KIAA1671: variants seen among roughly 807,000 people sequenced by gnomAD.
The protein encoded by KIAA1671 is uncharacterized protein KIAA1671.
KIAA1671 carries 52 observed loss-of-function variants against 131.2 expected under a neutral mutation model. That is an observed-to-expected ratio of 0.40 (90% confidence interval 0.32 to 0.50). The LOEUF (loss-of-function observed/expected upper bound fraction) is 0.50. Among genes scored for constraint, KIAA1671 ranks in the 20% least tolerant of loss-of-function variants. The probability of loss-of-function intolerance (pLI) is 0.73; values close to 1 mark genes in which losing one functional copy is unlikely to be tolerated. For synonymous variants in KIAA1671, 1,003 were observed against 961.6 expected, an observed-to-expected ratio of 1.04 and a Z score of -0.80; for missense variants, 2,360 against 2,364.2, an observed-to-expected ratio of 1.00 and a Z score of 0.04.
At chr22:25,087,856 TAGCAGCCAGAGCCCCC>T (rs1463355274) in intron 6 of KIAA1671, among the ~76,000 whole-genome samples, 1 of 152,100 alleles carries the variant, frequency 6.6e-6, no homozygotes, top group African/African-American at 2.4e-5. Flanking sequence ...CTGTGAGCCA[TAGCAGCCAGAGCCCCC>T]AGCACCTGGG....
intron 1 of KIAA1671, among the ~76,000 whole-genome samples, chr22:24,960,654 CTTTTTTTTTTTTT>C (rs34901740): frequency 8.4e-5 from 6 of 71,540 alleles, no homozygotes; most frequent in African/African-American, 3.3e-4. Context: ...TTTTCAGGTT[CTTTTTTTTTTTTT>C]TTTTTTTTTG....
chr22:25,122,479 A>G (rs1469278110), intron 6 of KIAA1671, among the ~76,000 whole-genome samples: 2 of 152,194 alleles, frequency 1.3e-5, no homozygotes, highest in African/African-American at 4.8e-5. Flanking sequence ...AAATGTGACT[A>G]CAAAACTGCC....
chr22:25,133,558 T>A (rs1439018039), intron 6 of KIAA1671, among the ~76,000 whole-genome samples: 1 of 152,180 alleles, frequency 6.6e-6, no homozygotes, highest in Non-Finnish European at 1.5e-5. Flanking sequence ...TTTTGTTTGT[T>A]TTTAGAGACA....
intron 6 of KIAA1671, among the ~76,000 whole-genome samples, chr22:25,068,681 C>T (rs1305631711): frequency 6.6e-6 from 1 of 152,200 alleles, no homozygotes; most frequent in Admixed American, 6.5e-5. Context: ...CATGATCTGC[C>T]CACCTTGGCC....
intron 11 of KIAA1671, among the ~76,000 whole-genome samples, chr22:25,187,588 C>G (rs1319439554): frequency 6.6e-6 from 1 of 152,096 alleles, no homozygotes; most frequent in Non-Finnish European, 1.5e-5. Context: ...ATGATTATAG[C>G]CTCGACCTCC....
At chr22:25,065,635 A>T (rs969674314) in intron 6 of KIAA1671, among the ~76,000 whole-genome samples, 11 of 150,938 alleles carry the variant, frequency 7.3e-5, no homozygotes, top group African/African-American at 2.4e-4. Context: ...AAGAATTATT[A>T]TTATTATTAT....
chr22:25,174,612 CTT>C, intron 8 of KIAA1671, 123 bp downstream of exon 8: 1 of 1,128,368 alleles, frequency 8.9e-7, no homozygotes, highest in Non-Finnish European at 1.2e-6. Flanking sequence ...AGGGCACTGT[CTT>C]TGAAATGGGA....
intron 6 of KIAA1671, among the ~76,000 whole-genome samples, chr22:25,101,931 T>A (rs1298682060): frequency 6.6e-6 from 1 of 152,030 alleles, no homozygotes; most frequent in South Asian, 2.1e-4. Flanking sequence ...ATAGGCAGAG[T>A]GGGACCCCAG....
chr22:25,127,415 A>AC (rs1302561784), intron 6 of KIAA1671, among the ~76,000 whole-genome samples: 1 of 151,876 alleles, frequency 6.6e-6, no homozygotes, highest in Non-Finnish European at 1.5e-5. Flanking sequence ...CTCCAGAGTG[A>AC]CCCCCAGCCT....
At chr22:25,066,075 C>T (rs1045183173) in intron 6 of KIAA1671, among the ~76,000 whole-genome samples, 1 of 152,134 alleles carries the variant, frequency 6.6e-6, no homozygotes, top group African/African-American at 2.4e-5. Flanking sequence ...TAGGTTTTCT[C>T]ATGTGGAAAT....
intron 4 of KIAA1671, among the ~76,000 whole-genome samples, chr22:25,033,573 C>CTTTTT (rs1926407784): frequency 1.3e-4 from 9 of 71,698 alleles, no homozygotes; most frequent in Admixed American, 2.9e-4. Context: ...GGTTTGTTTT[C>CTTTTT]GTTTTTTTTT....
intron 6 of KIAA1671, chr22:25,070,010 G>A (rs7291562): frequency 0.11 from 24,032 of 221,734 alleles, 1,409 homozygotes; most frequent in Non-Finnish European, 0.13. Flanking sequence ...CTCTCTTCTT[G>A]CCTTCTTGCC....
chr22:25,136,252 C>T (rs1168504827), intron 6 of KIAA1671, among the ~76,000 whole-genome samples: 1 of 152,200 alleles, frequency 6.6e-6, no homozygotes, highest in Non-Finnish European at 1.5e-5. Context: ...CCTCCTCTCT[C>T]TCTCTCATAC....
At chr22:25,078,152 C>G (rs1369646794) in intron 6 of KIAA1671, among the ~76,000 whole-genome samples, 1 of 152,192 alleles carries the variant, frequency 6.6e-6, no homozygotes, top group Non-Finnish European at 1.5e-5. Flanking sequence ...CAGTCTCTGT[C>G]AGGCAGGGAG....
At chr22:24,999,764 T>C (rs1218592572) in intron 1 of KIAA1671, among the ~76,000 whole-genome samples, 1 of 149,198 alleles carries the variant, frequency 6.7e-6, no homozygotes, top group Non-Finnish European at 1.5e-5. Context: ...GGTCTCATCA[T>C]ATTGTTCAGA....
chr22:25,027,864 C>G, intron 2 of KIAA1671, 81 bp from the exon 3 acceptor site: 1 of 708,806 alleles, frequency 1.4e-6, no homozygotes. Flanking sequence ...GGACTCTGTC[C>G]CATTTCTCTA....
chr22:25,048,900 A>C, intron 5 of KIAA1671: 1 of 223,288 alleles, frequency 4.5e-6, no homozygotes, highest in Non-Finnish European at 9.0e-6. Context: ...CCTGGTGGCT[A>C]TACTGCATCA....
rs1926074571 is a variant in KIAA1671 at position 25,028,382 on chromosome 22, C to T, written c.383C>T (p.Ser128Leu). ...VGSGEGPRTSSPLFNKAVFLR... is the reference protein window; with the variant it reads ...VGSGEGPRTSLPLFNKAVFLR... ...AGTGGGGAGGGCCCGAGGACGAGCT[C>T]GCCCCTCTTCAACAAGGCTGTGTTC... The change falls in exon 3 of 13, where the codon TCG becomes TTG. Residue 128 changes from serine (S) to leucine (L), a missense_variant. Around this residue, in one of 3 missense-constraint regions of KIAA1671, gnomAD observed 1,185 missense variants for 1,126.2 expected, o/e 1.05. Transcript: ENST00000358431. The T allele has an allele frequency of 2.6e-6, 4 of 1,550,718 alleles. No individual in the cohort carries two copies. Among genetic ancestry groups the T allele is most frequent in the South Asian group, 1.2e-5 (1 of 84,006 alleles).
chr22:25,068,532 G>A (rs896570059), intron 6 of KIAA1671, among the ~76,000 whole-genome samples: 1 of 152,142 alleles, frequency 6.6e-6, no homozygotes, highest in African/African-American at 2.4e-5. Context: ...CGCCTACCGG[G>A]TTCACGCCAT....
Sources: gnomAD v4.1 joint callset for allele counts (sites outside exome capture counted in the v4.1 genomes callset) on GRCh38, gnomAD v4.1.1 for gene constraint, gnomAD v4.1.1 regional missense constraint, MANE v1.5 for transcripts, NCBI Gene and HGNC (gene_info 2026-07-23, HGNC 2026-07-21) for gene names.